The following PTPRD variants were observed in gnomAD, a reference collection of about 807,000 sequenced individuals.
The protein encoded by PTPRD is receptor-type tyrosine-protein phosphatase delta.
A neutral mutation model predicts 214.5 loss-of-function variants in PTPRD; 34 were observed. The observed-to-expected ratio is 0.16, with a 90% CI of 0.12 to 0.21. The LOEUF is 0.21. Among genes scored for constraint, PTPRD ranks in the 10% least tolerant of loss-of-function variants. The pLI is 1.00. For missense variants in PTPRD, 2,545 were observed against 2,398.7 expected, an observed-to-expected ratio of 1.06 and a Z score of -1.27; for synonymous variants, 1,128 against 845.7, an observed-to-expected ratio of 1.33 and a Z score of -5.79.
At chr9:10,420,620 A>G (rs1350449088) in intron 2 of PTPRD, among the ~76,000 whole-genome samples, 1 of 151,866 alleles carries the variant, frequency 6.6e-6, no homozygotes, top group African/African-American at 2.4e-5. Flanking sequence ...AGAAGTGGGC[A>G]TACTCCTTGG....
At chr9:9,138,756 AG>A (rs1447362852) in intron 10 of PTPRD, among the ~76,000 whole-genome samples, 3 of 152,136 alleles carry the variant, frequency 2.0e-5, no homozygotes, top group African/African-American at 7.2e-5. Flanking sequence ...TTTAACACAG[AG>A]TTGTTTATCT....
In PTPRD at chr9:8,389,207, G is replaced by C. The variant is rs2135628762; in HGVS notation, c.4386+25C>G. 1.9e-6 allele frequency: 3 copies of C among 1,576,612 alleles called. No individual in the cohort carries two copies. In the South Asian group the frequency reaches 3.6e-5, roughly 19 times the overall value. ...GACTCTGAGGGAAAATTTTTAAAAG[G>C]AAAGAGGTGGATACTTATTCTTACC... On this transcript the variant is annotated intron_variant, in intron 37 of 45. Coordinates refer to ENST00000381196, the MANE Select transcript of PTPRD (RefSeq NM_002839.4).
At chr9:9,552,896 C>G (rs1191420485) in intron 8 of PTPRD, among the ~76,000 whole-genome samples, 1 of 152,034 alleles carries the variant, frequency 6.6e-6, no homozygotes, top group African/African-American at 2.4e-5. Context: ...TGACATGGAT[C>G]ACAGACAAGC....
intron 5 of PTPRD, among the ~76,000 whole-genome samples, chr9:9,858,815 A>C (rs1238344902): frequency 6.6e-6 from 1 of 152,212 alleles, no homozygotes; most frequent in Admixed American, 6.5e-5. Context: ...CCAAATCAAC[A>C]GTTATTTGTA....
chr9:10,045,208 C>A (rs974681728), intron 3 of PTPRD, among the ~76,000 whole-genome samples: 1 of 151,780 alleles, frequency 6.6e-6, no homozygotes, highest in Non-Finnish European at 1.5e-5. Context: ...AGTAGTATCC[C>A]TTTATTAACA....
At chr9:9,060,635 T>A (rs1345076280) in intron 10 of PTPRD, among the ~76,000 whole-genome samples, 1 of 152,050 alleles carries the variant, frequency 6.6e-6, no homozygotes, top group East Asian at 1.9e-4. Context: ...AGTGATATCC[T>A]AGGAATAACT....
intron 4 of PTPRD, among the ~76,000 whole-genome samples, chr9:10,001,174 G>C (rs2096302288): frequency 6.6e-6 from 1 of 151,934 alleles, no homozygotes; most frequent in South Asian, 2.1e-4. Flanking sequence ...CAATGACCCT[G>C]GTGTTCCTCC....
At chr9:10,002,010 C>T (rs2096331587) in intron 4 of PTPRD, among the ~76,000 whole-genome samples, 1 of 151,766 alleles carries the variant, frequency 6.6e-6, no homozygotes, top group Non-Finnish European at 1.5e-5. Flanking sequence ...ATTTTTATAG[C>T]AATGTTAATA....
intron 9 of PTPRD, among the ~76,000 whole-genome samples, chr9:9,332,506 G>A (rs1054872433): frequency 6.6e-6 from 1 of 150,884 alleles, no homozygotes; most frequent in African/African-American, 2.4e-5. Context: ...AAGTAAATGC[G>A]ATAGTCGAGG....
intron 11 of PTPRD, among the ~76,000 whole-genome samples, chr9:8,841,210 G>A (rs763210622): frequency 1.3e-5 from 2 of 152,118 alleles, no homozygotes; most frequent in Non-Finnish European, 2.9e-5. Flanking sequence ...AATGGAGCTG[G>A]TATACATAAG....
intron 10 of PTPRD, among the ~76,000 whole-genome samples, chr9:9,077,225 G>A (rs2099752567): frequency 6.7e-6 from 1 of 150,148 alleles, no homozygotes; most frequent in Non-Finnish European, 1.5e-5. Context: ...CATGAGATGT[G>A]ATGTACAGTT....
intron 11 of PTPRD, among the ~76,000 whole-genome samples, chr9:8,796,305 T>C (rs770613193): frequency 1.3e-5 from 2 of 152,186 alleles, no homozygotes; most frequent in African/African-American, 2.4e-5. Context: ...AATATTTAAA[T>C]ATATAAAACT....
chr9:10,102,205 T>C (rs1237766885), intron 3 of PTPRD, among the ~76,000 whole-genome samples: 1 of 151,710 alleles, frequency 6.6e-6, no homozygotes, highest in African/African-American at 2.4e-5. Flanking sequence ...TCATTCTCTC[T>C]CATTTTATAA....
intron 3 of PTPRD, among the ~76,000 whole-genome samples, chr9:10,275,825 T>C (rs931628608): frequency 1.3e-5 from 2 of 151,988 alleles, no homozygotes; most frequent in African/African-American, 4.8e-5. Context: ...AGAAATACAT[T>C]TGTGATGCCC....
chr9:8,889,775 C>T (rs754434253), intron 11 of PTPRD, among the ~76,000 whole-genome samples: 1 of 152,096 alleles, frequency 6.6e-6, no homozygotes, highest in Non-Finnish European at 1.5e-5. Flanking sequence ...ATCCAGGTTG[C>T]GTGAATGTCA....
intron 11 of PTPRD, among the ~76,000 whole-genome samples, chr9:8,954,001 C>A (rs147689135): frequency 6.6e-6 from 1 of 151,902 alleles, no homozygotes; most frequent in African/African-American, 2.4e-5. Flanking sequence ...AGTTATATAC[C>A]CAAAGTAAAA....
chr9:8,830,767 T>C (rs2097272097), intron 11 of PTPRD, among the ~76,000 whole-genome samples: 1 of 152,074 alleles, frequency 6.6e-6, no homozygotes, highest in African/African-American at 2.4e-5. Flanking sequence ...ATATTCACAA[T>C]CAAATCCGTA....
At chr9:9,234,823 G>A (rs899943166) in intron 9 of PTPRD, among the ~76,000 whole-genome samples, 19 of 152,140 alleles carry the variant, frequency 1.2e-4, no homozygotes, top group Non-Finnish European at 8.8e-5. Flanking sequence ...TTCGCTAAAA[G>A]CCATTCAACA....
At chr9:9,138,118 CT>C (rs1485856158) in intron 10 of PTPRD, among the ~76,000 whole-genome samples, 2 of 151,936 alleles carry the variant, frequency 1.3e-5, no homozygotes, top group African/African-American at 4.8e-5. Context: ...TGAATAATAC[CT>C]GTTAAATCAA....
Sources: gnomAD v4.1 joint callset for allele counts (sites outside exome capture counted in the v4.1 genomes callset) on GRCh38, gnomAD v4.1.1 for gene constraint, MANE v1.5 for transcripts, NCBI Gene and HGNC (gene_info 2026-07-23, HGNC 2026-07-21) for gene names.